Variants in NDRG1 observed in about 807,000 individuals in gnomAD.
The protein encoded by NDRG1 is N-myc downstream regulated 1.
Under a neutral mutation model 56.9 loss-of-function variants are expected in NDRG1, and 32 were observed. That is an observed-to-expected ratio of 0.56 (90% CI 0.42 to 0.76). The LOEUF (loss-of-function observed/expected upper bound fraction) is 0.76. Among genes scored for constraint, NDRG1 ranks in the 30% least tolerant of loss-of-function variants. NDRG1 has a pLI of 0.00. For missense variants in NDRG1, 507 were observed against 545.7 expected (o/e 0.93, Z 0.71); for synonymous variants, 211 against 204.1 (o/e 1.03, Z -0.29).
rs11575975 is a variant in NDRG1, at chr8:133,239,210, G to T, written c.944-91C>A. On this transcript the variant is annotated intron_variant, in intron 15 of 15. Coordinates refer to ENST00000323851, the MANE Select transcript of NDRG1 (RefSeq NM_006096.4). ...GTCCACCAGCCACATGCTCTTCTACGTGCCAGCCCCAGAGAAGACTTGATC... is the reference window on the plus strand; with the variant it reads ...GTCCACCAGCCACATGCTCTTCTACTTGCCAGCCCCAGAGAAGACTTGATC... 27 of 1,531,954 alleles carry T rather than the reference G, an allele frequency of 1.8e-5. No individual in the cohort carries two copies. The Admixed American group carries it at 5.1e-4, about 29-fold the overall frequency. 94.9% of individuals were successfully genotyped at this position (1,531,954 alleles called of 1,614,324 possible). A position where few individuals can be genotyped will look rare whatever the true frequency, so the allele number is the denominator to read the frequency against.
chr8:133,278,817 C>G (rs879463585), intron 3 of NDRG1, among the ~76,000 whole-genome samples: 5 of 151,946 alleles, frequency 3.3e-5, no homozygotes, highest in Admixed American at 3.3e-4. Context: ...GGCCCAGAGT[C>G]TGGCACCACT....
intron 3 of NDRG1, among the ~76,000 whole-genome samples, chr8:133,270,868 T>A (rs370592569): frequency 3.3e-5 from 5 of 152,234 alleles, no homozygotes; most frequent in African/African-American, 1.2e-4. Flanking sequence ...TGACAATCCC[T>A]GCCATCAGTT....
chr8:133,278,120 G>A (rs1179541178), intron 3 of NDRG1, among the ~76,000 whole-genome samples: 1 of 152,192 alleles, frequency 6.6e-6, no homozygotes, highest in African/African-American at 2.4e-5. Context: ...GGCTGAGGGA[G>A]GCTGGGGTGG....
At position 133,265,095 on chromosome 8, in the gene NDRG1, A is replaced by G. The variant is rs1424238743; in HGVS notation, c.100-443T>C. On this transcript the variant is annotated intron_variant, in intron 3 of 15. Transcript: ENST00000323851. ...CTCCCCACTTCCAAGAACAGCCCTCAGTTTCCTTCAGGAACCCACCCAACC... is the reference window on the plus strand; with the variant it reads ...CTCCCCACTTCCAAGAACAGCCCTCGGTTTCCTTCAGGAACCCACCCAACC... 16 of 252,976 alleles carry G rather than the reference A, an allele frequency of 6.3e-5. No homozygotes were observed. In the East Asian group the frequency reaches 1.4e-3, roughly 22 times the overall value. The allele number at this position is 252,976 out of a possible 1,614,324, so 15.7% of individuals were successfully genotyped here. A position where few individuals can be genotyped will look rare whatever the true frequency, so the allele number is the denominator to read the frequency against.
chr8:133,249,592 C>CT (rs1855897037), intron 10 of NDRG1: 1 of 153,432 alleles, frequency 6.5e-6, no homozygotes, highest in Admixed American at 6.5e-5. Context: ...GCGGGCTGTG[C>CT]TGGTTTCCTC....
intron 13 of NDRG1, chr8:133,244,692 A>G: frequency 3.8e-6 from 2 of 526,800 alleles, no homozygotes; most frequent in Non-Finnish European, 3.4e-6. Flanking sequence ...CCCATTTTAC[A>G]GGCAGAAACT....
At position 133,248,775 on chromosome 8, in the gene NDRG1, C is replaced by T; in HGVS notation, c.699-4G>A. Reference sequence around the variant, plus strand: ...CTCAATCTCCAGGTCGCGCCGGCTGCAGGAAACAAATGCATCATTAGCATG... The same window carrying T: ...CTCAATCTCCAGGTCGCGCCGGCTGTAGGAAACAAATGCATCATTAGCATG... On this transcript the variant is annotated splice_polypyrimidine_tract_variant and splice_region_variant and intron_variant, in intron 10 of 15. Coordinates refer to ENST00000323851, the MANE Select transcript of NDRG1 (RefSeq NM_006096.4). 6.2e-7 allele frequency: 1 copy of T among 1,614,164 alleles called. No individual in the cohort carries two copies.
At position 133,257,860 on chromosome 8, in the gene NDRG1, G is replaced by A. The variant is rs148272499; in HGVS notation, c.450+506C>T. 2.7e-4 allele frequency among the ~76,000 whole-genome samples: 41 copies of A among 152,236 alleles called. No individual in the cohort carries two copies. In the East Asian group the frequency reaches 5.4e-3, roughly 20 times the overall value. ...CTCCAGCAAAGCCCAGCAAATAATA[G>A]GTAGTCAAAATACCAATGGATGTAC... is the stretch of plus-strand genomic sequence containing the variant. On this transcript the variant is annotated intron_variant, in intron 7 of 15. Transcript: ENST00000323851.
intron 3 of NDRG1, among the ~76,000 whole-genome samples, chr8:133,271,046 C>T (rs1857161515): frequency 6.6e-6 from 1 of 152,202 alleles, no homozygotes; most frequent in African/African-American, 2.4e-5. Flanking sequence ...AGGGCCAGCC[C>T]CACTGGCTTA....
Position 133,250,553 on chromosome 8 carries a change from G to C in NDRG1, c.595-10C>G. 1 of 1,612,084 alleles carries C rather than the reference G, an allele frequency of 6.2e-7. No homozygotes were observed. Among genetic ancestry groups the C allele is most frequent in the Non-Finnish European group, 8.5e-7 (1 of 1,178,196 alleles). On this transcript the variant is annotated splice_polypyrimidine_tract_variant and intron_variant, in intron 9 of 15. Coordinates refer to ENST00000323851, the MANE Select transcript of NDRG1 (RefSeq NM_006096.4). ...TACTCTGCATTTCTTCCTGCATTTAGAGAGGTGAGAAGATGGTCCTCATCG... is the reference window on the plus strand; with the variant it reads ...TACTCTGCATTTCTTCCTGCATTTACAGAGGTGAGAAGATGGTCCTCATCG...
intron 10 of NDRG1, chr8:133,249,298 C>A (rs778363395): frequency 2.8e-5 from 5 of 178,728 alleles, no homozygotes; most frequent in Non-Finnish European, 6.1e-5. Flanking sequence ...CAGCCCAGTG[C>A]CGACCACCTT....
intron 3 of NDRG1, among the ~76,000 whole-genome samples, chr8:133,266,737 C>T (rs3779932): frequency 6.6e-6 from 1 of 152,006 alleles, no homozygotes; most frequent in African/African-American, 2.4e-5. Flanking sequence ...CTATTGTATG[C>T]CAGGTCCCCT....
At chr8:133,278,632 C>T (rs1481879979) in intron 3 of NDRG1, among the ~76,000 whole-genome samples, 1 of 152,060 alleles carries the variant, frequency 6.6e-6, no homozygotes, top group Non-Finnish European at 1.5e-5. Flanking sequence ...CTCAGTATAC[C>T]CATCTGAAAA....
At chr8:133,280,793 G>A (rs1307649455) in intron 2 of NDRG1, among the ~76,000 whole-genome samples, 4 of 152,066 alleles carry the variant, frequency 2.6e-5, no homozygotes, top group Non-Finnish European at 5.9e-5. Flanking sequence ...ACATTAACTG[G>A]ACTCCTTTCT....
chr8:133,272,207 G>T (rs1857227420), intron 3 of NDRG1, among the ~76,000 whole-genome samples: 1 of 152,222 alleles, frequency 6.6e-6, no homozygotes, highest in Non-Finnish European at 1.5e-5. Flanking sequence ...GAAGGTGTCA[G>T]CCTGGGAATA....
Position 133,238,510 on chromosome 8 carries a change from C to T in NDRG1, c.*368G>A, listed in dbSNP as rs1361210030. 3 of 306,166 alleles carry T rather than the reference C, an allele frequency of 9.8e-6. No individual in the cohort carries two copies. The highest frequency in any genetic ancestry group is 1.1e-4 in the South Asian group (1 of 9,278). 19.0% of individuals were successfully genotyped at this position (306,166 alleles called of 1,614,324 possible). The stretch of plus-strand genomic sequence containing the variant: ...GCGGCTGGCCTTCTGACCAGGCACC[C>T]GTTTGAACCAGGATGCTCAGGGCGG... On this transcript the variant is annotated 3_prime_UTR_variant, in exon 16 of 16. Coordinates refer to ENST00000323851, the MANE Select transcript of NDRG1 (RefSeq NM_006096.4).
rs892331798 is a variant in NDRG1 at position 133,248,869 on chromosome 8, T to C, written c.699-98A>G. 4 of 1,380,258 alleles carry C rather than the reference T, an allele frequency of 2.9e-6. No homozygotes were observed. In the African/African-American group the frequency reaches 5.7e-5, roughly 20 times the overall value. The allele number at this position is 1,380,258 out of a possible 1,614,324, so 85.5% of individuals were successfully genotyped here. On this transcript the variant is annotated intron_variant, in intron 10 of 15. Coordinates refer to ENST00000323851, the MANE Select transcript of NDRG1 (RefSeq NM_006096.4). ...GCCCAGGAGGTCCTGCCAGTGGCCATTCTGGTAAGCTACCCACATCCCCAA... is the reference window on the plus strand; with the variant it reads ...GCCCAGGAGGTCCTGCCAGTGGCCACTCTGGTAAGCTACCCACATCCCCAA...
At chr8:133,254,506 G>A in intron 9 of NDRG1, 33 bp downstream of exon 9, 1 of 1,612,984 alleles carries the variant, frequency 6.2e-7, no homozygotes, top group South Asian at 1.1e-5. Flanking sequence ...TTGCTCAGCA[G>A]GAACAACAGA....
In NDRG1 at chr8:133,271,592, C is replaced by G. The variant is rs56196071; in HGVS notation, c.100-6940G>C. On this transcript the variant is annotated intron_variant, in intron 3 of 15. Coordinates refer to ENST00000323851, the MANE Select transcript of NDRG1 (RefSeq NM_006096.4). ...GTAACTTTGAGTTTGAGACCAGCAT[C>G]TGCAACATAATGAGACCTCCTTTCT... Among the ~76,000 whole-genome samples the G allele has an allele frequency of 2.0e-5, 3 of 151,992 alleles. No individual in the cohort carries two copies. The East Asian group carries it at 5.8e-4, about 30-fold the overall frequency.
Sources: allele counts gnomAD v4.1 joint callset (sites outside exome capture counted in the v4.1 genomes callset), GRCh38; gene constraint gnomAD v4.1.1; transcripts MANE v1.5; gene names NCBI Gene and HGNC (gene_info 2026-07-23, HGNC 2026-07-21).